EPB41L1: variants seen among roughly 807,000 people sequenced by gnomAD.
EPB41L1 encodes the protein band 4.1-like protein 1.
Under a neutral mutation model 97.8 loss-of-function variants are expected in EPB41L1, and 29 were observed. That is an observed-to-expected ratio of 0.30 (90% CI 0.22 to 0.40). The LOEUF is 0.40. Ranked by LOEUF, EPB41L1 falls within the 10% of genes least tolerant of loss-of-function variation. The pLI is 1.00. For synonymous variants in EPB41L1, 383 were observed against 459.2 expected, an observed-to-expected ratio of 0.83 and a Z score of 2.12; for missense variants, 812 against 1,162.3, an observed-to-expected ratio of 0.70 and a Z score of 4.38.
intron 2 of EPB41L1, among the ~76,000 whole-genome samples, chr20:36,119,161 A>G (rs547058284): frequency 6.6e-6 from 1 of 152,326 alleles, no homozygotes; most frequent in South Asian, 2.1e-4. Flanking sequence ...ATCACACATG[A>G]CTATGGTGTG....
At position 36,133,855 on chromosome 20, in the gene EPB41L1, CAAA is replaced by C. The variant is rs57803389; in HGVS notation, c.-10+21391_-10+21393del. Among the ~76,000 whole-genome samples, 95 of 75,850 alleles carry C rather than the reference CAAA, an allele frequency of 1.3e-3. 1 individual carries two copies. Among genetic ancestry groups the C allele is most frequent in the Middle Eastern group, 0.017 (2 of 118 alleles). 49.8% of individuals were successfully genotyped at this position (75,850 alleles called of 152,430 possible). On this transcript the variant is annotated intron_variant, in intron 2 of 19. Coordinates refer to the EPB41L1 transcript ENST00000202028. ...CCTGGGCAACAGAGTGAGACCCTGT[CAAA>C]AAAAAAAAAAAAAAAGTAACAATAA... is the stretch of plus-strand genomic sequence containing the variant.
intron 14 of EPB41L1, among the ~76,000 whole-genome samples, chr20:36,205,690 C>T (rs932989747): frequency 3.3e-5 from 5 of 152,174 alleles, no homozygotes; most frequent in Admixed American, 1.3e-4. Context: ...ATGGCTGGCA[C>T]GTCATGCCTT....
chr20:36,140,373 G>A (rs2059594068), intron 2 of EPB41L1, among the ~76,000 whole-genome samples: 1 of 151,952 alleles, frequency 6.6e-6, no homozygotes, highest in Non-Finnish European at 1.5e-5. Flanking sequence ...ACCCAACCAG[G>A]ATTAAGTGCT....
chr20:36,203,521 G>C (rs2146657408), intron 14 of EPB41L1, among the ~76,000 whole-genome samples: 1 of 152,340 alleles, frequency 6.6e-6, no homozygotes, highest in Admixed American at 6.5e-5. Context: ...AGTTAGAATT[G>C]GGGCAGGAAT....
intron 1 of EPB41L1, among the ~76,000 whole-genome samples, chr20:36,170,865 T>G (rs1444526436): frequency 6.6e-6 from 1 of 152,198 alleles, no homozygotes; most frequent in Non-Finnish European, 1.5e-5. Flanking sequence ...GCTCCTCTCC[T>G]CTGTCGTTCT....
At chr20:36,113,742 G>A (rs1309237732) in intron 2 of EPB41L1, 1 of 152,620 alleles carries the variant, frequency 6.6e-6, no homozygotes, top group Non-Finnish European at 1.5e-5. Flanking sequence ...CCGGGAGGGA[G>A]CCTGCTCAGC....
At chr20:36,104,736 G>C (rs2058135070) in intron 1 of EPB41L1, among the ~76,000 whole-genome samples, 1 of 152,332 alleles carries the variant, frequency 6.6e-6, no homozygotes, top group Admixed American at 6.5e-5. Context: ...ATCTCTATAT[G>C]TCAGAGCCCA....
intron 16 of EPB41L1, 137 bp from the exon 17 acceptor site, chr20:36,214,220 G>A: frequency 1.5e-6 from 1 of 662,192 alleles, no homozygotes; most frequent in Non-Finnish European, 2.8e-6. Flanking sequence ...CTGTGATTTG[G>A]TCTGTGTGCA....
chr20:36,177,888 GGT>G, intron 3 of EPB41L1, 62 bp from the exon 4 acceptor site: 1 of 1,327,332 alleles, frequency 7.5e-7, no homozygotes, highest in Non-Finnish European at 1.1e-6. Flanking sequence ...TGGAGCCCAG[GGT>G]ATCTCCCAGC....
chr20:36,209,855 C>T lies in EPB41L1; in HGVS notation c.2036C>T (p.Pro679Leu), dbSNP rs556134409. 1.6e-5 allele frequency: 26 copies of T among 1,613,586 alleles called. No homozygotes were observed. In the East Asian group the frequency reaches 4.5e-4, roughly 28 times the overall value. ...DDESGGIEDS[P>L]DRGACSTPDM... is the part of the protein sequence containing the mutation. Reference sequence around the variant, plus strand: ...GAGTCTGGGGGCATTGAGGACAGCCCGGATCGAGGGGCCTGCTCCACCCCG... The same window carrying T: ...GAGTCTGGGGGCATTGAGGACAGCCTGGATCGAGGGGCCTGCTCCACCCCG... The change falls in exon 15 of 22, where the codon CCG (proline) becomes CTG (leucine). Residue 679 changes from proline to leucine, a missense_variant. Physicochemically the swap from Pro to Leu is moderately conservative, Grantham distance 98. Coordinates refer to ENST00000338074, the MANE Select transcript of EPB41L1 (RefSeq NM_012156.2). The surrounding 1 kb of genome is among the most constrained non-coding windows in gnomAD (Gnocchi z 4.2).
At chr20:36,145,495 G>A (rs1432246572) in intron 2 of EPB41L1, among the ~76,000 whole-genome samples, 1 of 152,090 alleles carries the variant, frequency 6.6e-6, no homozygotes, top group Non-Finnish European at 1.5e-5. Context: ...ATGAACAGAG[G>A]GAAAAGAAGT....
At chr20:36,164,441 C>A (rs1007414622) in intron 1 of EPB41L1, among the ~76,000 whole-genome samples, 5 of 152,284 alleles carry the variant, frequency 3.3e-5, no homozygotes, top group African/African-American at 1.2e-4. Flanking sequence ...CCCTGCCCCC[C>A]ATCTCCTCTC....
chr20:36,134,148 G>A (rs2059328326), intron 2 of EPB41L1, among the ~76,000 whole-genome samples: 1 of 152,190 alleles, frequency 6.6e-6, no homozygotes, highest in Non-Finnish European at 1.5e-5. Flanking sequence ...TTGAACCCAG[G>A]TCTGTCTGTC....
intron 1 of EPB41L1, among the ~76,000 whole-genome samples, chr20:36,102,471 G>C (rs776478527): frequency 4.6e-5 from 7 of 152,150 alleles, no homozygotes; most frequent in Non-Finnish European, 1.0e-4. Context: ...CACATTACTG[G>C]CTTTGCTGTG....
intron 5 of EPB41L1, among the ~76,000 whole-genome samples, chr20:36,179,168 G>T (rs2061374797): frequency 6.6e-6 from 1 of 152,172 alleles, no homozygotes; most frequent in South Asian, 2.1e-4. Context: ...GCCAGAGTGG[G>T]AAGGACAAGT....
rs1191293302 is a variant in EPB41L1, at chr20:36,092,149, T to A, written c.-65+537T>A. ...CCGCGGGAACAATGGGAGCGCGGCG[T>A]GGAAAAGGGTGGGCGTGGGCCAGGT... On this transcript the variant is annotated intron_variant, in intron 1 of 19. Transcript: ENST00000202028. The surrounding 1 kb of genome is among the most constrained non-coding windows in gnomAD (Gnocchi z 7.0). Among the ~76,000 whole-genome samples, 1 of 151,566 alleles carries A rather than the reference T, an allele frequency of 6.6e-6. No individual in the cohort carries two copies. The highest frequency in any genetic ancestry group is 2.4e-5 in the African/African-American group (1 of 41,228).
intron 14 of EPB41L1, among the ~76,000 whole-genome samples, chr20:36,205,230 C>T (rs1424367933): frequency 6.6e-6 from 1 of 152,148 alleles, no homozygotes; most frequent in African/African-American, 2.4e-5. Flanking sequence ...TAATGCATCC[C>T]TTCAATTTGC....
In EPB41L1 at chr20:36,161,686, G is replaced by C. The variant is rs2752895; in HGVS notation, c.-15+6790G>C. ...GACAGGTTATCACTGTGTTGGCCAGGCTGGTCTCGAACTCCTGACCTCAGG... is the reference window on the plus strand; with the variant it reads ...GACAGGTTATCACTGTGTTGGCCAGCCTGGTCTCGAACTCCTGACCTCAGG... On this transcript the variant is annotated intron_variant, in intron 1 of 21. Coordinates refer to ENST00000338074, the MANE Select transcript of EPB41L1 (RefSeq NM_012156.2). Among the ~76,000 whole-genome samples, 6 of 152,166 alleles carry C rather than the reference G, an allele frequency of 3.9e-5. No individual in the cohort carries two copies. The South Asian group carries it at 1.0e-3, about 26-fold the overall frequency.
chr20:36,160,237 A>G (rs2060473365), intron 1 of EPB41L1, among the ~76,000 whole-genome samples: 1 of 152,230 alleles, frequency 6.6e-6, no homozygotes, highest in Admixed American at 6.5e-5. Flanking sequence ...TTACTGTTAT[A>G]TTTACTTTTC....
Sources: allele counts gnomAD v4.1 joint callset (sites outside exome capture counted in the v4.1 genomes callset), GRCh38; gene constraint gnomAD v4.1.1; non-coding constraint Gnocchi (gnomAD v3.1); transcripts MANE v1.5; gene names NCBI Gene and HGNC (gene_info 2026-07-23, HGNC 2026-07-21).